The following USP47 variants were observed in gnomAD, a reference collection of about 807,000 sequenced individuals.
USP47 encodes ubiquitin specific peptidase 47, also known as ubiquitin carboxyl-terminal hydrolase 47.
USP47 carries 35 observed loss-of-function variants against 165.1 expected under a neutral mutation model. That is an observed-to-expected ratio of 0.21 (90% CI 0.16 to 0.28). USP47 has a LOEUF of 0.28. Among genes scored for constraint, USP47 ranks in the 10% least tolerant of loss-of-function variants. The probability of loss-of-function intolerance (pLI) is 1.00; values close to 1 mark genes in which losing one functional copy is unlikely to be tolerated. For synonymous variants in USP47, 531 were observed against 544.5 expected, an observed-to-expected ratio of 0.98 and a Z score of 0.35; for missense variants, 1,277 against 1,607.4, an observed-to-expected ratio of 0.79 and a Z score of 3.52.
In USP47 at chr11:11,881,176, C is replaced by G. The variant is rs145580473; in HGVS notation, c.243+796C>G. ...GAATGCTGATTAAACTTACCATATT[C>G]AGTTCTTGCTTGTTGTGGAAAAAGG... On this transcript the variant is annotated intron_variant, in intron 2 of 27. Transcript: ENST00000527733. Among the ~76,000 whole-genome samples the G allele has an allele frequency of 7.2e-5, 11 of 152,136 alleles. No homozygotes were observed. The East Asian group carries it at 2.1e-3, about 29-fold the overall frequency.
chr11:11,880,129 T>C (rs757341049), intron 1 of USP47, 48 bp from the exon 2 acceptor site: 4 of 1,292,500 alleles, frequency 3.1e-6, no homozygotes, highest in South Asian at 3.1e-5. Context: ...ATACTTTTGT[T>C]TTGCTTTAAA....
At chr11:11,848,491 A>G (rs1282269934) in intron 1 of USP47, among the ~76,000 whole-genome samples, 1 of 152,194 alleles carries the variant, frequency 6.6e-6, no homozygotes, top group Non-Finnish European at 1.5e-5. Flanking sequence ...TATATGGCAC[A>G]TGACTATATT....
chr11:11,842,258 C>T (rs1848164656), intron 1 of USP47, 34 bp downstream of exon 1: 1 of 1,548,316 alleles, frequency 6.5e-7, no homozygotes, highest in South Asian at 1.2e-5. Flanking sequence ...GGCCTTAGGC[C>T]TGCGGCCGCT....
At chr11:11,891,947 T>C in intron 3 of USP47, 21 bp from the exon 4 acceptor site, 1 of 1,606,524 alleles carries the variant, frequency 6.2e-7, no homozygotes, top group Non-Finnish European at 8.5e-7. Flanking sequence ...TTACTAACTA[T>C]TTGAATATGT....
At chr11:11,950,156 G>A (rs967108259) in intron 23 of USP47, 152 bp downstream of exon 23, 1 of 711,378 alleles carries the variant, frequency 1.4e-6, no homozygotes, top group African/African-American at 1.8e-5. Flanking sequence ...GACTAAACAA[G>A]AGTATTAAAA....
At chr11:11,923,674 AT>A in intron 11 of USP47, among the ~76,000 whole-genome samples, 1 of 152,224 alleles carries the variant, frequency 6.6e-6, no homozygotes. Context: ...GTCATTAAAT[AT>A]AGGGATTTTT....
At chr11:11,875,686 C>G (rs964260618) in intron 1 of USP47, among the ~76,000 whole-genome samples, 1 of 152,188 alleles carries the variant, frequency 6.6e-6, no homozygotes, top group African/African-American at 2.4e-5. Context: ...TCACTGCAAA[C>G]TCTACCTCCC....
At chr11:11,933,460 A>G (rs1419485135) in intron 15 of USP47, among the ~76,000 whole-genome samples, 1 of 152,152 alleles carries the variant, frequency 6.6e-6, no homozygotes, top group African/African-American at 2.4e-5. Flanking sequence ...AATTTCTCTT[A>G]TGGAATTACC....
At position 11,942,794 on chromosome 11, in the gene USP47, G is replaced by A. The variant is rs754777335; in HGVS notation, c.2773G>A (p.Asp925Asn). Residue 925 changes from aspartate to asparagine, a missense_variant, in exon 20 of 28, where the codon GAC (aspartate) becomes AAC (asparagine). Transcript: ENST00000527733. ...AAATTTTCAGTCTGAAGAACGATCA[G>A]ACTCAGATGTGAATAATGACAGGAG... is the stretch of plus-strand genomic sequence containing the variant. ...PENFQSEERS[D>N]SDVNNDRSTS... The A allele has an allele frequency of 3.7e-6, 6 of 1,613,566 alleles. No individual in the cohort carries two copies. Among genetic ancestry groups the A allele is most frequent in the Non-Finnish European group, 5.1e-6 (6 of 1,179,764 alleles).
At chr11:11,899,738 A>G (rs762539042) in intron 5 of USP47, among the ~76,000 whole-genome samples, 5 of 152,170 alleles carry the variant, frequency 3.3e-5, no homozygotes, top group East Asian at 1.9e-4. Context: ...CGTTGTGACA[A>G]TCCTGGTGAG....
intron 27 of USP47, among the ~76,000 whole-genome samples, chr11:11,955,384 A>G (rs1189044191): frequency 6.6e-6 from 1 of 152,356 alleles, no homozygotes; most frequent in East Asian, 1.9e-4. Context: ...AATATTGTAA[A>G]CCCAATATAT....
At chr11:11,952,651 AT>A in intron 24 of USP47, 89 bp from the exon 25 acceptor site, 1 of 1,325,022 alleles carries the variant, frequency 7.5e-7, no homozygotes, top group Non-Finnish European at 9.8e-7. Flanking sequence ...CTTGAAGTAA[AT>A]CTTTTTGTTT....
chr11:11,865,147 C>T (rs1422755974), intron 1 of USP47, among the ~76,000 whole-genome samples: 1 of 152,092 alleles, frequency 6.6e-6, no homozygotes, highest in African/African-American at 2.4e-5. Flanking sequence ...TTTAGGTTTA[C>T]CTTATTTGGG....
In USP47 at chr11:11,956,222, G is replaced by T; in HGVS notation, c.*47G>T. On this transcript the variant is annotated 3_prime_UTR_variant, in exon 28 of 28. Transcript: ENST00000527733. ...CCTGGGGGAGTTTTGGTTTTAATTA[G>T]ATGGTTCACTACCACTGGGTAGTGC... 1 of 1,605,294 alleles carries T rather than the reference G, an allele frequency of 6.2e-7. No homozygotes were observed. Among genetic ancestry groups the T allele is most frequent in the Non-Finnish European group, 8.5e-7 (1 of 1,174,236 alleles).
rs1469629080 is a variant in USP47 at position 11,880,176 on chromosome 11, G to T, written c.40-1G>T. On this transcript the variant is annotated splice_acceptor_variant, in intron 1 of 27. Transcript: ENST00000527733. LOFTEE classifies it high-confidence loss of function. ...AAGTCATATTTTTCTTAAAATTTCA[G>T]ATAGAAAATGCTGCTGAAGAACCTA... 6.8e-7 allele frequency: 1 copy of T among 1,467,414 alleles called. No individual in the cohort carries two copies. Among genetic ancestry groups the T allele is most frequent in the Non-Finnish European group, 8.9e-7 (1 of 1,119,644 alleles). 90.9% of individuals were successfully genotyped at this position (1,467,414 alleles called of 1,614,324 possible). A position where few individuals can be genotyped will look rare whatever the true frequency, so the allele number is the denominator to read the frequency against.
intron 3 of USP47, among the ~76,000 whole-genome samples, chr11:11,887,767 A>G (rs1465009936): frequency 1.3e-5 from 2 of 152,220 alleles, no homozygotes; most frequent in Non-Finnish European, 2.9e-5. Flanking sequence ...CAACAACAGA[A>G]TATACATTCT....
intron 7 of USP47, among the ~76,000 whole-genome samples, chr11:11,904,299 G>A (rs181291470): frequency 1.4e-4 from 22 of 152,240 alleles, no homozygotes; most frequent in African/African-American, 2.4e-5. Context: ...AATGAAGAAG[G>A]CTTCATTAAA....
At chr11:11,906,592 A>G (rs527239429) in intron 8 of USP47, among the ~76,000 whole-genome samples, 1 of 152,178 alleles carries the variant, frequency 6.6e-6, no homozygotes, top group South Asian at 2.1e-4. Flanking sequence ...TAAGTAAAAG[A>G]CCTTTTCTGG....
At chr11:11,946,388 T>A (rs1564893053) in intron 20 of USP47, among the ~76,000 whole-genome samples, 2 of 152,220 alleles carry the variant, frequency 1.3e-5, no homozygotes, top group African/African-American at 4.8e-5. Flanking sequence ...ATTTTTGTCT[T>A]CCTATGACAC....
Sources: gnomAD v4.1 joint callset for allele counts (sites outside exome capture counted in the v4.1 genomes callset) on GRCh38, gnomAD v4.1.1 for gene constraint, MANE v1.5 for transcripts, NCBI Gene and HGNC (gene_info 2026-07-23, HGNC 2026-07-21) for gene names.